Variants in PAK6 observed in about 807,000 individuals in gnomAD.
PAK6 encodes p21 (RAC1) activated kinase 6.
Under a neutral mutation model 60.8 loss-of-function variants are expected in PAK6, and 33 were observed. The ratio of observed to expected loss-of-function variants is 0.54; its 90% CI spans 0.41 to 0.73. The LOEUF is 0.73. Among genes scored for constraint, PAK6 ranks in the 30% least tolerant of loss-of-function variants. The pLI is 0.00. For synonymous variants in PAK6, 404 were observed against 378.5 expected (o/e 1.07, Z -0.78); for missense variants, 845 against 904.1 (o/e 0.93, Z 0.84).
chr15:40,255,587 A>G (rs537304479), intron 3 of PAK6, among the ~76,000 whole-genome samples: 1 of 152,328 alleles, frequency 6.6e-6, no homozygotes, highest in East Asian at 1.9e-4. Flanking sequence ...AGAAAAGCAG[A>G]TGAAATTTCC....
At chr15:40,266,786 C>A in intron 5 of PAK6, 1 of 362,682 alleles carries the variant, frequency 2.8e-6, no homozygotes, top group Non-Finnish European at 4.9e-6. Context: ...AGTCCAGGGG[C>A]AGCAGGAGGC....
At chr15:40,276,387 G>A (rs1296038144) in exon 11 of PAK6, 5 of 384,556 alleles carry the variant, frequency 1.3e-5, no homozygotes, top group Admixed American at 4.3e-5. Context: ...GGCCTCTGCA[G>A]CCAACACAGT....
At chr15:40,277,328 T>C (rs2039482679) in exon 11 of PAK6, 1 of 152,488 alleles carries the variant, frequency 6.6e-6, no homozygotes. Flanking sequence ...ATAATATTTT[T>C]AGATTCTTCT....
chr15:40,272,743 C>T (rs1160488897), intron 6 of PAK6, 22 bp downstream of exon 6: 1 of 1,578,036 alleles, frequency 6.3e-7, no homozygotes, highest in Non-Finnish European at 8.6e-7. Context: ...GGGTGGGACA[C>T]AGACGGGGGC....
At chr15:40,266,135 A>C in exon 5 of PAK6, 1 of 1,609,804 alleles carries the variant, frequency 6.2e-7, no homozygotes, top group Non-Finnish European at 8.5e-7. Context: ...CACAGAGCCC[A>C]CGGGTCCTGC....
rs188859157 is a variant in PAK6 at position 40,258,272 on chromosome 15, C to T, written c.-6+4983C>T. ...CTACATACCTCACGCACATCTTGCC[C>T]GTTTCTGTTCATAAAGACCTCCAGA... On this transcript the variant is annotated intron_variant, in intron 3 of 10. Coordinates refer to ENST00000560346, the Ensembl canonical transcript of PAK6. Among the ~76,000 whole-genome samples the T allele has an allele frequency of 6.6e-5, 10 of 152,300 alleles. No homozygotes were observed. The East Asian group carries it at 1.7e-3, about 26-fold the overall frequency.
In PAK6 at chr15:40,264,532, A is replaced by G. The variant is rs188402909; in HGVS notation, c.-5-249A>G. On this transcript the variant is annotated intron_variant, in intron 3 of 10. Coordinates refer to ENST00000560346, the Ensembl canonical transcript of PAK6. The stretch of plus-strand genomic sequence containing the variant: ...CTCCATAGGGGACTTGGCACAGGCA[A>G]GAAGACACCTCTTTTCCTTGTTTAT... 320 of 600,892 alleles carry G rather than the reference A, an allele frequency of 5.3e-4. 2 individuals carry two copies. The East Asian group carries it at 0.01, about 19-fold the overall frequency. The allele number at this position is 600,892 out of a possible 1,614,324, so 37.2% of individuals were successfully genotyped here.
intron 2 of PAK6, among the ~76,000 whole-genome samples, chr15:40,248,772 G>A (rs1011298451): frequency 3.3e-5 from 5 of 152,204 alleles, no homozygotes; most frequent in African/African-American, 1.2e-4. Flanking sequence ...CAGCCTGCCT[G>A]GGCAGTGATT....
intron 5 of PAK6, among the ~76,000 whole-genome samples, chr15:40,269,274 C>T (rs761834486): frequency 1.3e-5 from 2 of 152,244 alleles, no homozygotes; most frequent in Non-Finnish European, 2.9e-5. Context: ...CTGCCTTGGC[C>T]TCCCAAAGTG....
At chr15:40,273,050 C>A (rs2039355098) in intron 7 of PAK6, 51 bp downstream of exon 7, 1 of 1,598,488 alleles carries the variant, frequency 6.3e-7, no homozygotes, top group Admixed American at 1.7e-5. Context: ...CTCACCATGG[C>A]CCTGCCAGGG....
intron 2 of PAK6, chr15:40,251,506 A>G (rs1355719746): frequency 6.6e-6 from 1 of 152,514 alleles, no homozygotes; most frequent in African/African-American, 2.4e-5. Context: ...GTGAACAAAA[A>G]TAAGTGGCCA....
At chr15:40,241,483 T>G (rs558387648) in intron 2 of PAK6, among the ~76,000 whole-genome samples, 1 of 152,124 alleles carries the variant, frequency 6.6e-6, no homozygotes, top group South Asian at 2.1e-4. Context: ...GTTGAGGCCT[T>G]TGGGGCAAGC....
intron 5 of PAK6, 29 bp downstream of exon 5, chr15:40,266,524 C>T (rs777569177): frequency 1.3e-6 from 2 of 1,559,514 alleles, no homozygotes. Flanking sequence ...CTGCAGGTGT[C>T]CACTGGGGAG....
exon 11 of PAK6, chr15:40,275,957 C>T (rs766710648): frequency 2.5e-6 from 4 of 1,613,232 alleles, no homozygotes; most frequent in Non-Finnish European, 3.4e-6. Flanking sequence ...CTTCCTGGAG[C>T]GGATGCTGGT....
intron 3 of PAK6, among the ~76,000 whole-genome samples, chr15:40,261,103 T>C (rs1227367615): frequency 6.6e-6 from 1 of 151,870 alleles, no homozygotes; most frequent in Non-Finnish European, 1.5e-5. Context: ...TTAGCCAGGA[T>C]GATCTCTATC....
intron 3 of PAK6, among the ~76,000 whole-genome samples, chr15:40,256,014 A>C (rs1179432678): frequency 6.6e-6 from 1 of 152,200 alleles, no homozygotes; most frequent in East Asian, 1.9e-4. Flanking sequence ...CATGGTCCCC[A>C]GAGCCTGGAG....
chr15:40,272,412 G>T (rs766593991), exon 6 of PAK6: 1 of 1,613,432 alleles, frequency 6.2e-7, no homozygotes, highest in Admixed American at 1.7e-5. Context: ...CTTCCCCAGC[G>T]GGATCCCCCC....
At position 40,272,811 on chromosome 15, in the gene PAK6, G is replaced by T. The variant is rs2039347076; in HGVS notation, c.1357-55G>T. 6 of 1,597,110 alleles carry T rather than the reference G, an allele frequency of 3.8e-6. No homozygotes were observed. In the East Asian group the frequency reaches 1.3e-4, roughly 36 times the overall value. On this transcript the variant is annotated intron_variant, in intron 6 of 10. Coordinates refer to ENST00000560346, the Ensembl canonical transcript of PAK6. Reference sequence around the variant, plus strand: ...TGGACATCTGTGAGCAGGGGCAGTGGGTGGCCATGCGTCTGGGCACTGTGC... The same window carrying T: ...TGGACATCTGTGAGCAGGGGCAGTGTGTGGCCATGCGTCTGGGCACTGTGC...
chr15:40,255,377 G>T (rs2038807095), intron 3 of PAK6, among the ~76,000 whole-genome samples: 1 of 152,230 alleles, frequency 6.6e-6, no homozygotes, highest in South Asian at 2.1e-4. Flanking sequence ...TGCATGTCAT[G>T]CTGTCTGCCC....
Sources: allele counts gnomAD v4.1 joint callset (sites outside exome capture counted in the v4.1 genomes callset), GRCh38; gene constraint gnomAD v4.1.1; transcripts MANE v1.5; gene names NCBI Gene and HGNC (gene_info 2026-07-23, HGNC 2026-07-21).